MED13L: variants seen among roughly 807,000 people sequenced by gnomAD.
The protein encoded by MED13L is mediator complex subunit 13L, also known as mediator of RNA polymerase II transcription subunit 13-like.
A neutral mutation model predicts 220.9 loss-of-function variants in MED13L; 7 were observed. The observed-to-expected ratio is 0.03, with a 90% CI of 0.02 to 0.06. The LOEUF is 0.06. Among genes scored for constraint, MED13L ranks in the 10% least tolerant of loss-of-function variants. The probability of loss-of-function intolerance (pLI) is 1.00; values close to 1 mark genes in which losing one functional copy is unlikely to be tolerated. For synonymous variants in MED13L, 1,011 were observed against 1,015.2 expected (o/e 1.00, Z 0.08); for missense variants, 1,965 against 2,760.5 (o/e 0.71, Z 6.46).
chr12:115,990,214 T>G (rs2137301434), intron 17 of MED13L, among the ~76,000 whole-genome samples: 1 of 152,346 alleles, frequency 6.6e-6, no homozygotes, highest in East Asian at 1.9e-4. Context: ...CATTGAGATC[T>G]CTGAGCAAAT....
At chr12:116,268,500 T>A (rs1873002418) in intron 1 of MED13L, among the ~76,000 whole-genome samples, 2 of 152,072 alleles carry the variant, frequency 1.3e-5, no homozygotes. Context: ...TGTATTATAC[T>A]CAAAAATACT....
At chr12:115,996,275 A>C (rs1592929093) in intron 16 of MED13L, among the ~76,000 whole-genome samples, 1 of 152,202 alleles carries the variant, frequency 6.6e-6, no homozygotes, top group Middle Eastern at 3.4e-3. Flanking sequence ...TATTTTTAGT[A>C]GAGACGGGGT....
intron 1 of MED13L, among the ~76,000 whole-genome samples, chr12:116,247,370 C>T (rs753092062): frequency 5.3e-5 from 8 of 152,152 alleles, no homozygotes; most frequent in Non-Finnish European, 1.2e-4. Flanking sequence ...AGAACAATAT[C>T]CCATAAATTG....
chr12:116,011,428 T>G (rs867506803), intron 9 of MED13L, among the ~76,000 whole-genome samples: 2 of 152,218 alleles, frequency 1.3e-5, no homozygotes, highest in East Asian at 1.9e-4. Flanking sequence ...AATAAAAATG[T>G]GTAAAAGTCA....
chr12:116,212,047 C>A (rs551612228), intron 2 of MED13L, among the ~76,000 whole-genome samples: 1 of 152,210 alleles, frequency 6.6e-6, no homozygotes, highest in South Asian at 2.1e-4. Context: ...ACCAAATCCA[C>A]CAAATAATCA....
intron 19 of MED13L, among the ~76,000 whole-genome samples, chr12:115,986,011 G>C (rs1281277673): frequency 6.6e-6 from 1 of 152,176 alleles, no homozygotes; most frequent in East Asian, 1.9e-4. Flanking sequence ...ATGGAGAAGA[G>C]AGAACTGATG....
At chr12:116,167,305 A>T (rs1225438590) in intron 2 of MED13L, among the ~76,000 whole-genome samples, 1 of 152,216 alleles carries the variant, frequency 6.6e-6, no homozygotes, top group Admixed American at 6.5e-5. Context: ...CCTCGAATAC[A>T]AGCAGTTTAA....
At chr12:116,032,000 G>C (rs1023243495) in intron 4 of MED13L, among the ~76,000 whole-genome samples, 2 of 151,808 alleles carry the variant, frequency 1.3e-5, no homozygotes, top group African/African-American at 4.8e-5. Context: ...AAATAAAATG[G>C]GGAAAAATAT....
intron 4 of MED13L, among the ~76,000 whole-genome samples, chr12:116,061,667 T>C (rs1869500135): frequency 6.6e-6 from 1 of 152,156 alleles, no homozygotes; most frequent in Admixed American, 6.5e-5. Flanking sequence ...TGGGAATAGA[T>C]TTTAAATTTT....
chr12:116,108,409 G>C, intron 3 of MED13L, among the ~76,000 whole-genome samples: 2 of 148,178 alleles, frequency 1.3e-5, no homozygotes, highest in African/African-American at 2.5e-5. Flanking sequence ...GGGCGCGTGG[G>C]GGGTGGGGGT....
chr12:116,264,866 G>A (rs368607873), intron 1 of MED13L, among the ~76,000 whole-genome samples: 18 of 152,178 alleles, frequency 1.2e-4, no homozygotes, highest in East Asian at 9.6e-4. Flanking sequence ...AATGGTGCAC[G>A]CCTGAAATTC....
At chr12:116,044,807 A>G (rs1045586630) in intron 4 of MED13L, among the ~76,000 whole-genome samples, 1 of 152,244 alleles carries the variant, frequency 6.6e-6, no homozygotes, top group South Asian at 2.1e-4. Context: ...AGATTAAACA[A>G]GTGAACCAAA....
intron 2 of MED13L, among the ~76,000 whole-genome samples, chr12:116,189,719 T>A (rs1344954466): frequency 1.3e-5 from 2 of 152,192 alleles, no homozygotes; most frequent in Non-Finnish European, 2.9e-5. Context: ...CCAATAGCAA[T>A]GGTTGAAAAG....
chr12:116,059,946 C>G (rs1413783575), intron 4 of MED13L, among the ~76,000 whole-genome samples: 2 of 152,020 alleles, frequency 1.3e-5, no homozygotes, highest in African/African-American at 2.4e-5. Flanking sequence ...CTGAAATATA[C>G]AAGAAACAAA....
chr12:116,108,785 A>G (rs1873821163), intron 3 of MED13L, among the ~76,000 whole-genome samples: 1 of 152,218 alleles, frequency 6.6e-6, no homozygotes, highest in Non-Finnish European at 1.5e-5. Context: ...TACTTTAATG[A>G]AATTTGAAAG....
chr12:116,050,148 G>A (rs566957633), intron 4 of MED13L, among the ~76,000 whole-genome samples: 2 of 152,246 alleles, frequency 1.3e-5, no homozygotes, highest in African/African-American at 4.8e-5. Flanking sequence ...GTTCTAGGGT[G>A]CGACTCCATG....
chr12:116,188,062 G>A (rs1043478018), intron 2 of MED13L, among the ~76,000 whole-genome samples: 3 of 151,510 alleles, frequency 2.0e-5, no homozygotes, highest in South Asian at 2.1e-4. Flanking sequence ...TCAGGACTAC[G>A]ATAATCTGTG....
chr12:116,075,168 T>TA (rs1870680533), intron 4 of MED13L, among the ~76,000 whole-genome samples: 1 of 152,324 alleles, frequency 6.6e-6, no homozygotes, highest in South Asian at 2.1e-4. Flanking sequence ...TGGGGGGAAA[T>TA]ACGGTATTTA....
chr12:116,228,113 T>C (rs1869184608), intron 2 of MED13L, among the ~76,000 whole-genome samples: 1 of 152,056 alleles, frequency 6.6e-6, no homozygotes, highest in African/African-American at 2.4e-5. Flanking sequence ...ACAAACTCTC[T>C]TCAATTCTAC....
Sources: allele counts gnomAD v4.1 joint callset (sites outside exome capture counted in the v4.1 genomes callset), GRCh38; gene constraint gnomAD v4.1.1; transcripts MANE v1.5; gene names NCBI Gene and HGNC (gene_info 2026-07-23, HGNC 2026-07-21).